Variants in FAM151A observed in about 807,000 individuals in gnomAD.
FAM151A encodes protein FAM151A.
Under a neutral mutation model 40.4 loss-of-function variants are expected in FAM151A, and 41 were observed. The observed-to-expected ratio is 1.01, with a 90% confidence interval of 0.79 to 1.32. The LOEUF is 1.32. Ranked by LOEUF, FAM151A falls within the 40% of genes most tolerant of loss-of-function variation. The probability of loss-of-function intolerance (pLI) is 0.00; values close to 1 mark genes in which losing one functional copy is unlikely to be tolerated. For missense variants in FAM151A, 740 were observed against 740.4 expected (o/e 1.00, Z 0.01); for synonymous variants, 337 against 312.5 (o/e 1.08, Z -0.83).
chr1:54,621,184 C>G (rs188121260), intron 1 of FAM151A, among the ~76,000 whole-genome samples: 2 of 148,782 alleles, frequency 1.3e-5, no homozygotes, highest in African/African-American at 4.9e-5. Flanking sequence ...AACCTGCGCG[C>G]GGCGGCTGAC....
intron 1 of FAM151A, among the ~76,000 whole-genome samples, chr1:54,621,132 T>C (rs1358575196): frequency 1.4e-5 from 2 of 146,618 alleles, no homozygotes; most frequent in Non-Finnish European, 3.0e-5. Context: ...CTGCACTCCA[T>C]CCTGGGTGAC....
Position 54,623,517 on chromosome 1 carries a change from G to A in FAM151A, c.-122C>T, listed in dbSNP as rs893729452. 1.1e-5 allele frequency: 8 copies of A among 745,500 alleles called. No individual in the cohort carries two copies. The South Asian group carries it at 1.3e-4, about 12-fold the overall frequency. 46.2% of individuals were successfully genotyped at this position (745,500 alleles called of 1,614,324 possible). A position where few individuals can be genotyped will look rare whatever the true frequency, so the allele number is the denominator to read the frequency against. On this transcript the variant is annotated 5_prime_UTR_variant, in exon 1 of 8. Coordinates refer to ENST00000302250, the MANE Select transcript of FAM151A (RefSeq NM_176782.3). The stretch of plus-strand genomic sequence containing the variant: ...AGCACCTAATTCTCCACCGGGCCTG[G>A]TCTGCTCTGCAGCCCTGTAATATCC...
Position 54,614,826 on chromosome 1 carries a change from A to G in FAM151A, c.449T>C (p.Val150Ala), listed in dbSNP as rs1644154475. ...CCGCAGGAGGTCCAGGGAGGGGCCC[A>G]CTGCCTTGATGTTCTTGAAGTCCAG... ...IKLDFKNIKAVGPSLDLLRQL... is the reference protein window; with the variant it reads ...IKLDFKNIKAAGPSLDLLRQL... The change falls in exon 4 of 8, where the codon GTG (valine) becomes GCG (alanine). Residue 150 changes from valine (V) to alanine (A), a missense_variant. Transcript: ENST00000302250. The G allele has an allele frequency of 1.9e-6, 3 of 1,614,184 alleles. No individual in the cohort carries two copies. The highest frequency in any genetic ancestry group is 1.1e-5 in the South Asian group (1 of 91,080).
intron 3 of FAM151A, among the ~76,000 whole-genome samples, chr1:54,615,263 AGAG>A (rs367993515): frequency 8.7e-4 from 133 of 152,152 alleles, no homozygotes; most frequent in African/African-American, 3.0e-3. Context: ...GCATTTGAGT[AGAG>A]GAGGAGATCT....
intron 4 of FAM151A, among the ~76,000 whole-genome samples, chr1:54,614,176 T>A (rs1157039130): frequency 1.3e-5 from 2 of 152,204 alleles, no homozygotes; most frequent in African/African-American, 4.8e-5. Flanking sequence ...TCTCTCTCTT[T>A]GTAAACTGTA....
rs541465662 is a variant in FAM151A at position 54,620,654 on chromosome 1, G to A, written c.119-647C>T. Among the ~76,000 whole-genome samples, 12 of 149,630 alleles carry A rather than the reference G, an allele frequency of 8.0e-5. No homozygotes were observed. The South Asian group carries it at 2.6e-3, about 33-fold the overall frequency. ...GAGATTAGGAGTTCGAGACCAGCCT[G>A]GCCAACATGGTGAAACCATGTCTCT... On this transcript the variant is annotated intron_variant, in intron 1 of 7. Transcript: ENST00000302250.
chr1:54,620,845 C>CAAAAAAAAAAAAAAAAAAAAAAAA lies in FAM151A; in HGVS notation c.119-862_119-839dup, dbSNP rs767625864. ...CCTGGATGACACAAAGAGACTCTGT[C>CAAAAAAAAAAAAAAAAAAAAAAAA]AAAAAAAAAAAAAAAAAAAAAAAAA... On this transcript the variant is annotated intron_variant, in intron 1 of 7. Transcript: ENST00000302250. Among the ~76,000 whole-genome samples the CAAAAAAAAAAAAAAAAAAAAAAAA allele has an allele frequency of 1.7e-4, 2 of 12,118 alleles. 1 individual carries two copies. The highest frequency in any genetic ancestry group is 3.6e-3 in the East Asian group (2 of 560). The allele number at this position is 12,118 out of a possible 152,430, so 7.9% of individuals were successfully genotyped here.
intron 1 of FAM151A, among the ~76,000 whole-genome samples, chr1:54,622,901 A>G (rs1461057164): frequency 2.0e-5 from 3 of 152,014 alleles, no homozygotes; most frequent in Non-Finnish European, 4.4e-5. Context: ...TTGGCCAGGC[A>G]TGATGACTCA....
Position 54,611,709 on chromosome 1 carries a change from G to C in FAM151A, c.837C>G (p.Pro279=). 1 of 1,614,138 alleles carries C rather than the reference G, an allele frequency of 6.2e-7. No homozygotes were observed. The highest frequency in any genetic ancestry group is 8.5e-7 in the Non-Finnish European group (1 of 1,180,018). Reference sequence around the variant, plus strand: ...CGTAGAGCAGATCTTCCACCGACATGGGGTCCGAGGCAGCCTGCCACAGCG... The same window carrying C: ...CGTAGAGCAGATCTTCCACCGACATCGGGTCCGAGGCAGCCTGCCACAGCG... ...SLTLWQAASD[P]MSVEDLLYVR... is the part of the protein sequence containing the mutation. The change falls in exon 6 of 8, where the codon CCC becomes CCG. Residue 279 remains proline (P), a synonymous_variant. Coordinates refer to ENST00000302250, the MANE Select transcript of FAM151A (RefSeq NM_176782.3).
chr1:54,615,005 T>A, intron 3 of FAM151A, 146 bp from the exon 4 acceptor site: 1 of 767,488 alleles, frequency 1.3e-6, no homozygotes, highest in Non-Finnish European at 2.1e-6. Flanking sequence ...CAGCACCACA[T>A]CCCTGCAGGG....
At chr1:54,610,780 G>C in intron 6 of FAM151A, 1 of 984,714 alleles carries the variant, frequency 1.0e-6, no homozygotes, top group South Asian at 4.7e-5. Context: ...GATGGGACCA[G>C]GTCTGCCTGG....
intron 1 of FAM151A, among the ~76,000 whole-genome samples, chr1:54,622,422 A>C (rs1644239310): frequency 6.6e-6 from 1 of 152,132 alleles, no homozygotes; most frequent in Non-Finnish European, 1.5e-5. Flanking sequence ...TACTAAAAAT[A>C]CAAAAATTAG....
chr1:54,611,806 C>G, intron 5 of FAM151A, 61 bp from the exon 6 acceptor site: 1 of 1,601,200 alleles, frequency 6.2e-7, no homozygotes. Context: ...CAGCCCCACT[C>G]CTGTGCTCAG....
rs918100033 is a variant in FAM151A at position 54,616,087 on chromosome 1, G to A, written c.348C>T (p.Pro116=). Residue 116 remains proline, a synonymous_variant, in exon 3 of 8, where the codon CCC becomes CCT. Transcript: ENST00000302250. ...NETGVPIMAH[P]PTIYSDNTLE... is the part of the protein sequence containing the mutation. ...GTGTGTTGTCACTGTAGATAGTGGG[G>A]GGGTGTGCCATGATGGGAACTCCTG... 6.2e-7 allele frequency: 1 copy of A among 1,614,072 alleles called. No homozygotes were observed. Among genetic ancestry groups the A allele is most frequent in the Non-Finnish European group, 8.5e-7 (1 of 1,180,044 alleles).
At chr1:54,611,056 A>G (rs1041162647) in intron 6 of FAM151A, 13 of 973,054 alleles carry the variant, frequency 1.3e-5, no homozygotes, top group African/African-American at 1.8e-5. Flanking sequence ...GCTGGGCCAC[A>G]TAAAAGCTGA....
chr1:54,617,708 G>GTTTT (rs1644187369), intron 2 of FAM151A, among the ~76,000 whole-genome samples: 1 of 72,520 alleles, frequency 1.4e-5, no homozygotes, highest in Non-Finnish European at 3.2e-5. Flanking sequence ...CAGGGCCTGA[G>GTTTT]ATTTTTTTTT....
chr1:54,612,337 A>G (rs1569783136), intron 5 of FAM151A, 149 bp downstream of exon 5: 1 of 614,396 alleles, frequency 1.6e-6, no homozygotes, highest in Non-Finnish European at 2.9e-6. Context: ...GAGGTATGCA[A>G]GCAGAAAGCA....
chr1:54,609,337 C>T lies in FAM151A; in HGVS notation c.1689G>A (p.Arg563=), dbSNP rs570204209. ...GGGGTAGCCTGTAGTAGACTCGGGT[C>T]CTGTCCACAGCCCTAGCTGCCAGCA... ...TALLAARAVD[R]TRVYYRLPQG... Residue 563 remains arginine (R), a synonymous_variant, in exon 8 of 8, where the codon AGG becomes AGA. Coordinates refer to ENST00000302250, the MANE Select transcript of FAM151A (RefSeq NM_176782.3). 133 of 1,614,102 alleles carry T rather than the reference C, an allele frequency of 8.2e-5. 1 individual carries two copies. The South Asian group carries it at 1.3e-3, about 16-fold the overall frequency.
rs747114381 is a variant in FAM151A at position 54,609,358 on chromosome 1, C to A, written c.1668G>T (p.Leu556=). ...GDYASVRTAL[L]AARAVDRTRV... is the part of the protein sequence containing the mutation. ...GGGTCCTGTCCACAGCCCTAGCTGC[C>A]AGCAATGCTGTCCTCACAGAGGCAT... Residue 556 remains leucine (L), a synonymous_variant, in exon 8 of 8, where the codon CTG becomes CTT. Transcript: ENST00000302250. 1.2e-6 allele frequency: 2 copies of A among 1,614,074 alleles called. No individual in the cohort carries two copies. Among genetic ancestry groups the A allele is most frequent in the Non-Finnish European group, 8.5e-7 (1 of 1,180,028 alleles).
Sources: gnomAD v4.1 joint callset for allele counts (sites outside exome capture counted in the v4.1 genomes callset) on GRCh38, gnomAD v4.1.1 for gene constraint, MANE v1.5 for transcripts, NCBI Gene and HGNC (gene_info 2026-07-23, HGNC 2026-07-21) for gene names.